The following TSPAN9 variants were observed in gnomAD, a reference collection of about 807,000 sequenced individuals.
TSPAN9 encodes the protein tetraspanin 9, also known as tetraspanin-9.
A neutral mutation model predicts 31.0 loss-of-function variants in TSPAN9; 16 were observed. The ratio of observed to expected loss-of-function variants is 0.52; its 90% CI spans 0.35 to 0.78. TSPAN9 has a LOEUF of 0.78. Ranked by LOEUF, TSPAN9 falls within the 30% of genes least tolerant of loss-of-function variation. The probability of loss-of-function intolerance (pLI) is 0.01; values close to 1 mark genes in which losing one functional copy is unlikely to be tolerated. For synonymous variants in TSPAN9, 145 were observed against 121.6 expected (o/e 1.19, Z -1.27); for missense variants, 272 against 312.5 (o/e 0.87, Z 0.98).
chr12:3,081,844 G>GTGTGTGTGTGTATATA (rs57812985), intron 1 of TSPAN9, among the ~76,000 whole-genome samples: 13 of 116,770 alleles, frequency 1.1e-4, no homozygotes, highest in South Asian at 2.9e-4. Flanking sequence ...GTCTGTGTGT[G>GTGTGTGTGTGTATATA]TATATATATG....
At chr12:3,138,099 G>C (rs1363990170) in intron 2 of TSPAN9, among the ~76,000 whole-genome samples, 2 of 152,222 alleles carry the variant, frequency 1.3e-5, no homozygotes, top group Non-Finnish European at 2.9e-5. Flanking sequence ...GTCGTCCATG[G>C]GTGGTGAGGG....
intron 3 of TSPAN9, among the ~76,000 whole-genome samples, chr12:3,257,131 G>C (rs1862361977): frequency 6.6e-6 from 1 of 152,102 alleles, no homozygotes; most frequent in Non-Finnish European, 1.5e-5. Context: ...TTATAGGCAA[G>C]AGCAGAAAGT....
At chr12:3,236,955 G>A (rs2153976742) in intron 3 of TSPAN9, among the ~76,000 whole-genome samples, 1 of 152,332 alleles carries the variant, frequency 6.6e-6, no homozygotes, top group Non-Finnish European at 1.5e-5. Context: ...GCACCTGGTT[G>A]TCAGATAGAA....
At chr12:3,278,347 G>GA in intron 3 of TSPAN9, 74 bp from the exon 4 acceptor site, 6 of 1,570,466 alleles carry the variant, frequency 3.8e-6, no homozygotes, top group Non-Finnish European at 5.2e-6. Flanking sequence ...ATGGGGTGGG[G>GA]ACCTGCACTG....
At chr12:3,239,637 A>T (rs763591227) in intron 3 of TSPAN9, among the ~76,000 whole-genome samples, 1 of 152,072 alleles carries the variant, frequency 6.6e-6, no homozygotes, top group African/African-American at 2.4e-5. Flanking sequence ...CTGAGCTTTC[A>T]TTTGGTCTGA....
chr12:3,136,246 C>A (rs1484410622), intron 2 of TSPAN9, among the ~76,000 whole-genome samples: 2 of 152,344 alleles, frequency 1.3e-5, no homozygotes, highest in East Asian at 1.9e-4. Flanking sequence ...TGAGGGGCAG[C>A]CCTGAATCCC....
intron 1 of TSPAN9, among the ~76,000 whole-genome samples, chr12:3,077,810 C>G (rs1012278654): frequency 2.0e-5 from 3 of 152,142 alleles, no homozygotes; most frequent in African/African-American, 7.2e-5. Context: ...CCGCTTGGGA[C>G]AGTCCATACA....
At chr12:3,130,993 C>T (rs2098329588) in intron 2 of TSPAN9, among the ~76,000 whole-genome samples, 1 of 152,124 alleles carries the variant, frequency 6.6e-6, no homozygotes, top group African/African-American at 2.4e-5. Flanking sequence ...GTCGTTGGGG[C>T]CAGTGCCCGT....
At chr12:3,102,461 G>A (rs1324522209) in intron 2 of TSPAN9, among the ~76,000 whole-genome samples, 1 of 136,344 alleles carries the variant, frequency 7.3e-6, no homozygotes, top group Non-Finnish European at 1.5e-5. Flanking sequence ...TTTAGACAGA[G>A]TCTTGCTCTG....
intron 2 of TSPAN9, among the ~76,000 whole-genome samples, chr12:3,098,355 A>G (rs1358669618): frequency 6.6e-6 from 1 of 152,178 alleles, no homozygotes; most frequent in East Asian, 1.9e-4. Flanking sequence ...GGTTGTTCCC[A>G]TGAAGAGGGG....
chr12:3,158,546 A>AC (rs2098343439), intron 2 of TSPAN9, among the ~76,000 whole-genome samples: 1 of 151,976 alleles, frequency 6.6e-6, no homozygotes, highest in South Asian at 2.1e-4. Context: ...GCATGGTGAA[A>AC]TCCCATCTCT....
chr12:3,118,008 G>T (rs1565581877), intron 2 of TSPAN9, among the ~76,000 whole-genome samples: 1 of 152,076 alleles, frequency 6.6e-6, no homozygotes, highest in Non-Finnish European at 1.5e-5. Flanking sequence ...AGTGCCCCAT[G>T]CCAGGTTCCC....
chr12:3,131,813 AGT>A (rs2098329937), intron 2 of TSPAN9, among the ~76,000 whole-genome samples: 1 of 152,322 alleles, frequency 6.6e-6, no homozygotes, highest in East Asian at 1.9e-4. Context: ...ACCATTTTAA[AGT>A]GTGTAATTCG....
chr12:3,108,663 G>A (rs890162294), intron 2 of TSPAN9, among the ~76,000 whole-genome samples: 1 of 152,044 alleles, frequency 6.6e-6, no homozygotes, highest in African/African-American at 2.4e-5. Flanking sequence ...CTTTCTTTTG[G>A]AACTCATAGA....
intron 3 of TSPAN9, among the ~76,000 whole-genome samples, chr12:3,219,865 A>G (rs1319170777): frequency 2.0e-5 from 3 of 150,216 alleles, no homozygotes; most frequent in Non-Finnish European, 4.5e-5. Context: ...AAAAAAAAAA[A>G]GGAATGAGGC....
chr12:3,209,103 C>T (rs571671469), intron 3 of TSPAN9, among the ~76,000 whole-genome samples: 64 of 151,976 alleles, frequency 4.2e-4, no homozygotes, highest in Non-Finnish European at 1.0e-4. Flanking sequence ...GGTGTGGTGG[C>T]GGGTGCCTGT....
intron 5 of TSPAN9, among the ~76,000 whole-genome samples, chr12:3,279,580 T>C (rs1052498812): frequency 1.4e-4 from 21 of 152,210 alleles, no homozygotes; most frequent in Non-Finnish European, 2.9e-4. Context: ...GGATGGTGGG[T>C]GACCCCCTGT....
intron 2 of TSPAN9, among the ~76,000 whole-genome samples, chr12:3,109,275 T>TGTGTGTG (rs2098316781): frequency 8.1e-6 from 1 of 123,976 alleles, no homozygotes; most frequent in Admixed American, 7.5e-5. Context: ...AGTCTGTGTG[T>TGTGTGTG]GTGTGTGTGT....
Position 3,109,303 on chromosome 12 carries a change from A to AGTGTGT in TSPAN9, c.-18+25585_-18+25586insTGTGTG, listed in dbSNP as rs1328395128. Reference sequence around the variant, plus strand: ...GTGTGTGTGTGTGTGTGTGTGTGAGAGAGAGTGTGTGTGTGTGTGTGTGTT... The same window carrying AGTGTGT: ...GTGTGTGTGTGTGTGTGTGTGTGAGAGTGTGTGAGAGTGTGTGTGTGTGTGTGTGTT... On this transcript the variant is annotated intron_variant, in intron 2 of 8. Transcript: ENST00000011898. Among the ~76,000 whole-genome samples the AGTGTGT allele has an allele frequency of 9.3e-5, 3 of 32,318 alleles. No homozygotes were observed. In the Admixed American group the frequency reaches 1.0e-3, roughly 11 times the overall value. 21.2% of individuals were successfully genotyped at this position (32,318 alleles called of 152,430 possible).
Sources: allele counts gnomAD v4.1 joint callset (sites outside exome capture counted in the v4.1 genomes callset), GRCh38; gene constraint gnomAD v4.1.1; transcripts MANE v1.5; gene names NCBI Gene and HGNC (gene_info 2026-07-23, HGNC 2026-07-21).